Variants in SAMMSON observed in about 807,000 individuals in gnomAD.
SAMMSON encodes survival associated mitochondrial melanoma specific oncogenic non-coding RNA.
At chr3:70,314,026 C>T (rs975390876) in intron 7 of SAMMSON, among the ~76,000 whole-genome samples, 16 of 152,130 alleles carry the variant, frequency 1.1e-4, no homozygotes, top group African/African-American at 3.4e-4. Context: ...TTTCCATCTC[C>T]ACCCCTACCT....
At chr3:70,418,279 T>A (rs1701281520) in intron 2 of SAMMSON, among the ~76,000 whole-genome samples, 1 of 152,218 alleles carries the variant, frequency 6.6e-6, no homozygotes, top group South Asian at 2.1e-4. Context: ...AAACTTAATC[T>A]AGAAAACTCC....
At chr3:70,014,166 C>G (rs559638043) in intron 3 of SAMMSON, 10 of 152,160 alleles carry the variant, frequency 6.6e-5, no homozygotes, top group Non-Finnish European at 1.3e-4. Flanking sequence ...TCTACTATTT[C>G]CAAAGCGGAG....
chr3:70,431,489 A>G (rs1417220795), intron 2 of SAMMSON, among the ~76,000 whole-genome samples: 2 of 152,004 alleles, frequency 1.3e-5, no homozygotes, highest in Non-Finnish European at 2.9e-5. Context: ...AATATAATAA[A>G]ATATTTTAAT....
chr3:70,036,689 C>A (rs2067086392), intron 3 of SAMMSON, among the ~76,000 whole-genome samples: 1 of 151,988 alleles, frequency 6.6e-6, no homozygotes, highest in African/African-American at 2.4e-5. Flanking sequence ...TAGAACAAAG[C>A]CAGGATGAGT....
downstream of SAMMSON, among the ~76,000 whole-genome samples, chr3:70,390,975 G>C (rs560405949): frequency 1.3e-5 from 2 of 152,070 alleles, no homozygotes. Context: ...ACAAATTCAT[G>C]TTAAGTTGAC....
intron 4 of SAMMSON, among the ~76,000 whole-genome samples, chr3:70,118,969 A>G (rs1463389716): frequency 6.6e-6 from 1 of 152,160 alleles, no homozygotes; most frequent in Non-Finnish European, 1.5e-5. Context: ...ACACTTAGCA[A>G]CTTTATCTGT....
chr3:70,241,938 T>A (rs546493959), intron 4 of SAMMSON, among the ~76,000 whole-genome samples: 2 of 152,206 alleles, frequency 1.3e-5, no homozygotes, highest in Non-Finnish European at 2.9e-5. Context: ...CATTCTAAAC[T>A]GTATAATAAC....
intron 7 of SAMMSON, among the ~76,000 whole-genome samples, chr3:70,340,276 A>G (rs1702701995): frequency 6.6e-6 from 1 of 151,028 alleles, no homozygotes; most frequent in South Asian, 2.1e-4. Context: ...TAGCATTAGG[A>G]GATATACCTA....
chr3:70,250,411 T>TCACACA (rs61355248), intron 6 of SAMMSON, among the ~76,000 whole-genome samples: 1,268 of 124,918 alleles, frequency 0.01, 13 homozygotes, highest in African/African-American at 0.029. Context: ...TTAATGAATC[T>TCACACA]CACACACACA....
At chr3:70,388,447 T>G (rs1481928128) in intron 9 of SAMMSON, among the ~76,000 whole-genome samples, 1 of 152,162 alleles carries the variant, frequency 6.6e-6, no homozygotes, top group East Asian at 1.9e-4. Context: ...TGTTCCTGAA[T>G]TTTCTTTTTT....
At chr3:70,142,597 C>T (rs1273389889) in intron 4 of SAMMSON, among the ~76,000 whole-genome samples, 9 of 151,966 alleles carry the variant, frequency 5.9e-5, no homozygotes, top group Middle Eastern at 3.4e-3. Flanking sequence ...GTATACTGCT[C>T]GGGTGATGGG....
intron 1 of SAMMSON, among the ~76,000 whole-genome samples, chr3:70,004,929 A>T (rs767103558): frequency 1.3e-5 from 2 of 152,040 alleles, no homozygotes; most frequent in African/African-American, 2.4e-5. Flanking sequence ...ACTTTTTTTC[A>T]TTTTACTGAT....
chr3:70,395,331 C>CTTTTTTTTTTTTTTTT (rs71126501), intron 2 of SAMMSON, among the ~76,000 whole-genome samples: 4 of 113,676 alleles, frequency 3.5e-5, no homozygotes, highest in African/African-American at 7.0e-5. Flanking sequence ...CTCTCTCTCT[C>CTTTTTTTTTTTTTTTT]TTTTTTTTTT....
chr3:70,058,194 G>T (rs1262211935), intron 3 of SAMMSON, among the ~76,000 whole-genome samples: 15 of 152,012 alleles, frequency 9.9e-5, no homozygotes, highest in Non-Finnish European at 2.2e-4. Context: ...TTGCACAGGG[G>T]TTGCAAGTGA....
intron 4 of SAMMSON, among the ~76,000 whole-genome samples, chr3:70,177,921 G>A (rs1273115892): frequency 2.6e-5 from 4 of 152,204 alleles, no homozygotes; most frequent in Admixed American, 2.6e-4. Flanking sequence ...GACAATATAT[G>A]TGCGTGTTTG....
At chr3:70,025,482 A>G (rs1378978463) in intron 3 of SAMMSON, among the ~76,000 whole-genome samples, 1 of 152,164 alleles carries the variant, frequency 6.6e-6, no homozygotes, top group African/African-American at 2.4e-5. Flanking sequence ...ACCTCAGGTG[A>G]TCCACCCGCC....
chr3:70,260,648 A>G (rs901077011), intron 6 of SAMMSON, among the ~76,000 whole-genome samples: 16 of 151,926 alleles, frequency 1.1e-4, no homozygotes, highest in Admixed American at 9.9e-4. Context: ...AAAGGTTACA[A>G]CTTCTGTCAG....
intron 7 of SAMMSON, among the ~76,000 whole-genome samples, chr3:70,315,768 G>A (rs557701343): frequency 1.3e-5 from 2 of 152,042 alleles, no homozygotes; most frequent in South Asian, 4.2e-4. Flanking sequence ...CCAGTCTGAT[G>A]AACTCCAGGC....
intron 6 of SAMMSON, among the ~76,000 whole-genome samples, chr3:70,287,433 T>C (rs1180343446): frequency 6.6e-6 from 1 of 151,788 alleles, no homozygotes; most frequent in Non-Finnish European, 1.5e-5. Context: ...GGATAAACTT[T>C]TTGATGTGCT....
Sources: gnomAD v4.1 joint callset for allele counts (sites outside exome capture counted in the v4.1 genomes callset) on GRCh38, gnomAD v4.1.1 for gene constraint, MANE v1.5 for transcripts, NCBI Gene and HGNC (gene_info 2026-07-23, HGNC 2026-07-21) for gene names.